ANO3: variants seen among roughly 807,000 people sequenced by gnomAD.
The protein encoded by ANO3 is anoctamin-3.
In ANO3, 99 loss-of-function variants were observed where a neutral mutation model predicts 144.8. That is an observed-to-expected ratio of 0.68 (90% confidence interval 0.58 to 0.81). The LOEUF (loss-of-function observed/expected upper bound fraction) is 0.81, where lower values mean the gene tolerates loss of function less well. ANO3 is among the 30% of genes least tolerant of loss of function. The pLI, the probability that ANO3 is intolerant of heterozygous loss-of-function variation, is 0.00. For missense variants in ANO3, 905 were observed against 1,202.2 expected (o/e 0.75, Z 3.66); for synonymous variants, 414 against 392.6 (o/e 1.05, Z -0.64).
intron 1 of ANO3, among the ~76,000 whole-genome samples, chr11:26,245,018 T>TGTGTGTGCGCAC (rs151031559): frequency 1.4e-5 from 2 of 145,324 alleles, no homozygotes; most frequent in South Asian, 4.5e-4. Context: ...TGTGTGTGTG[T>TGTGTGTGCGCAC]GTGCATGCAT....
At chr11:26,527,856 G>C (rs933962169) in intron 7 of ANO3, among the ~76,000 whole-genome samples, 8 of 135,422 alleles carry the variant, frequency 5.9e-5, no homozygotes, top group African/African-American at 2.0e-4. Context: ...AGCCAGTTTT[G>C]CAGATAGGAA....
At chr11:26,584,233 A>G (rs1590587624) in intron 14 of ANO3, among the ~76,000 whole-genome samples, 1 of 152,090 alleles carries the variant, frequency 6.6e-6, no homozygotes, top group African/African-American at 2.4e-5. Flanking sequence ...ATCTCGGCTC[A>G]CTGCAACCTC....
intron 9 of ANO3, 119 bp downstream of exon 9, chr11:26,534,681 T>G (rs1849460008): frequency 1.6e-6 from 1 of 629,390 alleles, no homozygotes; most frequent in African/African-American, 1.8e-5. Context: ...GTATAACATA[T>G]TGAACACACA....
chr11:26,196,897 C>T (rs1293224985), intron 1 of ANO3, among the ~76,000 whole-genome samples: 1 of 152,152 alleles, frequency 6.6e-6, no homozygotes, highest in African/African-American at 2.4e-5. Flanking sequence ...AAATGCAAGA[C>T]ATTGTACAAG....
intron 1 of ANO3, among the ~76,000 whole-genome samples, chr11:26,191,841 C>T (rs1851484516): frequency 6.6e-6 from 1 of 152,044 alleles, no homozygotes; most frequent in Non-Finnish European, 1.5e-5. Flanking sequence ...TGCCGAACAT[C>T]TGTAGGTATT....
At chr11:26,431,871 T>C (rs1858103710) in intron 1 of ANO3, among the ~76,000 whole-genome samples, 1 of 152,220 alleles carries the variant, frequency 6.6e-6, no homozygotes, top group Non-Finnish European at 1.5e-5. Context: ...AACATTCACG[T>C]GCATGTGTCT....
At chr11:26,199,565 G>A (rs1214360033) in intron 1 of ANO3, among the ~76,000 whole-genome samples, 1 of 152,130 alleles carries the variant, frequency 6.6e-6, no homozygotes, top group South Asian at 2.1e-4. Flanking sequence ...TAACCATCTG[G>A]TTAGGAACTG....
At chr11:26,602,857 T>TC (rs1851840167) in intron 17 of ANO3, among the ~76,000 whole-genome samples, 1 of 152,056 alleles carries the variant, frequency 6.6e-6, no homozygotes, top group Non-Finnish European at 1.5e-5. Flanking sequence ...TTGCTACCCC[T>TC]CCCCAACCCA....
intron 1 of ANO3, among the ~76,000 whole-genome samples, chr11:26,243,186 T>G (rs1171306534): frequency 6.6e-6 from 1 of 152,080 alleles, no homozygotes; most frequent in Non-Finnish European, 1.5e-5. Context: ...AATACACGTT[T>G]TCAGAAGGTT....
intron 1 of ANO3, among the ~76,000 whole-genome samples, chr11:26,336,920 G>A (rs1855208702): frequency 6.6e-6 from 1 of 152,114 alleles, no homozygotes; most frequent in East Asian, 1.9e-4. Context: ...ATATTTTAAG[G>A]TAAGGAGTTA....
At chr11:26,536,241 C>T (rs2134194338) in intron 9 of ANO3, among the ~76,000 whole-genome samples, 1 of 151,518 alleles carries the variant, frequency 6.6e-6, no homozygotes, top group East Asian at 2.0e-4. Flanking sequence ...ATCACTTGAA[C>T]CCGGGAAGTG....
upstream of ANO3, among the ~76,000 whole-genome samples, chr11:26,307,735 A>ATAT (rs1157292353): frequency 2.7e-5 from 4 of 146,022 alleles, no homozygotes; most frequent in African/African-American, 1.0e-4. Flanking sequence ...AATAATAATA[A>ATAT]TAATAATAAT....
intron 18 of ANO3, among the ~76,000 whole-genome samples, chr11:26,627,844 TGTGTGTGTGTGC>T (rs1203985778): frequency 4.2e-5 from 6 of 144,266 alleles, no homozygotes; most frequent in Middle Eastern, 3.5e-3. Context: ...TGTGTGTGTG[TGTGTGTGTGTGC>T]GCCTGACATT....
intron 4 of ANO3, among the ~76,000 whole-genome samples, chr11:26,483,040 A>G (rs184191357): frequency 0.014 from 2,109 of 151,904 alleles, 49 homozygotes; most frequent in African/African-American, 0.048. Context: ...ATACTAGTGC[A>G]GGTATTTTTT....
At chr11:26,205,601 G>T (rs1851780945) in intron 1 of ANO3, among the ~76,000 whole-genome samples, 1 of 152,138 alleles carries the variant, frequency 6.6e-6, no homozygotes, top group Non-Finnish European at 1.5e-5. Context: ...CTCTATTCTA[G>T]CAGTCACCTT....
intron 1 of ANO3, among the ~76,000 whole-genome samples, chr11:26,212,112 ACAGGTTGATGGGTG>A (rs1257414520): frequency 6.6e-6 from 1 of 152,162 alleles, no homozygotes; most frequent in Admixed American, 6.5e-5. Context: ...AATGTAGGTG[ACAGGTTGATGGGTG>A]CAGCAAACCA....
chr11:26,260,287 T>G (rs951091705), intron 1 of ANO3, among the ~76,000 whole-genome samples: 1 of 152,160 alleles, frequency 6.6e-6, no homozygotes, highest in Non-Finnish European at 1.5e-5. Flanking sequence ...GATAATATTT[T>G]TATATTACAT....
At chr11:26,430,308 A>G (rs113669160) in intron 1 of ANO3, among the ~76,000 whole-genome samples, 1 of 151,362 alleles carries the variant, frequency 6.6e-6, no homozygotes, top group Non-Finnish European at 1.5e-5. Flanking sequence ...ATATATATGT[A>G]TGTGTCTACG....
At chr11:26,220,244 T>G (rs1305515570) in intron 1 of ANO3, among the ~76,000 whole-genome samples, 1 of 152,208 alleles carries the variant, frequency 6.6e-6, no homozygotes, top group Non-Finnish European at 1.5e-5. Flanking sequence ...ATGACCTTGG[T>G]GCAACACCCT....
Sources: gnomAD v4.1 joint callset for allele counts (sites outside exome capture counted in the v4.1 genomes callset) on GRCh38, gnomAD v4.1.1 for gene constraint, MANE v1.5 for transcripts, NCBI Gene and HGNC (gene_info 2026-07-23, HGNC 2026-07-21) for gene names.